ESRRG: variants seen among roughly 807,000 people sequenced by gnomAD.
ESRRG encodes the protein estrogen-related receptor gamma.
In ESRRG, 13 loss-of-function variants were observed where a neutral mutation model predicts 44.0. The observed-to-expected ratio is 0.30, with a 90% CI of 0.19 to 0.47. ESRRG has a LOEUF of 0.47. ESRRG is among the 20% of genes least tolerant of loss of function. ESRRG has a pLI of 1.00. For synonymous variants in ESRRG, 215 were observed against 214.6 expected (o/e 1.00, Z -0.02); for missense variants, 395 against 580.6 (o/e 0.68, Z 3.29).
At chr1:216,884,472 G>C (rs532587878) in intron 2 of ESRRG, among the ~76,000 whole-genome samples, 5 of 152,220 alleles carry the variant, frequency 3.3e-5, no homozygotes, top group Admixed American at 3.3e-4. Context: ...GTCTATGTGT[G>C]CAGTGGCTGC....
At chr1:216,737,673 C>G (rs1021551537) in intron 2 of ESRRG, among the ~76,000 whole-genome samples, 1 of 151,910 alleles carries the variant, frequency 6.6e-6, no homozygotes, top group Non-Finnish European at 1.5e-5. Flanking sequence ...CAGATGGCCT[C>G]GTCTTAATCC....
intron 3 of ESRRG, among the ~76,000 whole-genome samples, chr1:216,573,746 C>A (rs2061238491): frequency 6.6e-6 from 1 of 151,620 alleles, no homozygotes; most frequent in Admixed American, 6.6e-5. Flanking sequence ...GATACAGAAA[C>A]AAATCAAAAT....
At chr1:216,797,011 C>T (rs1373512875) in intron 2 of ESRRG, among the ~76,000 whole-genome samples, 2 of 152,074 alleles carry the variant, frequency 1.3e-5, no homozygotes, top group African/African-American at 4.8e-5. Context: ...CCTCCCTCAG[C>T]CTCCCGAGTA....
At chr1:216,616,960 T>C (rs943657440) in intron 3 of ESRRG, among the ~76,000 whole-genome samples, 10 of 152,226 alleles carry the variant, frequency 6.6e-5, no homozygotes, top group African/African-American at 2.4e-4. Flanking sequence ...CAGGGTTTTT[T>C]CTTCTTTTAA....
chr1:216,669,047 G>C (rs530655803), intron 2 of ESRRG, among the ~76,000 whole-genome samples: 1 of 152,018 alleles, frequency 6.6e-6, no homozygotes, highest in Non-Finnish European at 1.5e-5. Context: ...CCAGGTCTGG[G>C]CTTGTTTTTG....
intron 2 of ESRRG, among the ~76,000 whole-genome samples, chr1:216,925,375 T>C (rs1218291287): frequency 6.6e-6 from 1 of 151,974 alleles, no homozygotes; most frequent in Non-Finnish European, 1.5e-5. Context: ...AGGCGGAGGT[T>C]GCAGTGAGCT....
At chr1:216,525,243 C>A (rs768289701) in intron 5 of ESRRG, among the ~76,000 whole-genome samples, 3 of 151,902 alleles carry the variant, frequency 2.0e-5, no homozygotes, top group African/African-American at 4.8e-5. Flanking sequence ...CAACTGCCAG[C>A]CTACTTTGAA....
chr1:216,764,842 A>T (rs769309940), intron 2 of ESRRG, among the ~76,000 whole-genome samples: 6 of 152,068 alleles, frequency 3.9e-5, no homozygotes, highest in Non-Finnish European at 5.9e-5. Context: ...GGAACAACAG[A>T]TGCTGCAGGA....
At chr1:216,668,740 T>C (rs2074517470) in intron 2 of ESRRG, among the ~76,000 whole-genome samples, 1 of 151,922 alleles carries the variant, frequency 6.6e-6, no homozygotes, top group South Asian at 2.1e-4. Context: ...ACACATATAT[T>C]CACGCATATA....
At chr1:216,795,129 G>C (rs1576626979) in intron 2 of ESRRG, among the ~76,000 whole-genome samples, 1 of 152,076 alleles carries the variant, frequency 6.6e-6, no homozygotes, top group Admixed American at 6.6e-5. Context: ...ACTTGACAAA[G>C]ACTGCTTACT....
chr1:216,617,382 G>C (rs1238682469), intron 3 of ESRRG, among the ~76,000 whole-genome samples: 1 of 151,928 alleles, frequency 6.6e-6, no homozygotes, highest in Non-Finnish European at 1.5e-5. Context: ...ACCTGCTCCT[G>C]TGCCTAATGT....
At chr1:217,001,522 C>A (rs539284810) in intron 1 of ESRRG, among the ~76,000 whole-genome samples, 1 of 152,318 alleles carries the variant, frequency 6.6e-6, no homozygotes, top group Non-Finnish European at 1.5e-5. Flanking sequence ...TGGATATAGA[C>A]CTCATTGAAA....
intron 3 of ESRRG, among the ~76,000 whole-genome samples, chr1:216,629,628 G>T (rs1462167798): frequency 1.3e-5 from 2 of 151,852 alleles, no homozygotes; most frequent in African/African-American, 2.4e-5. Context: ...TGGCAGAGGA[G>T]AATTAATGTT....
At chr1:216,886,188 A>G (rs903775757) in intron 2 of ESRRG, among the ~76,000 whole-genome samples, 3 of 152,122 alleles carry the variant, frequency 2.0e-5, no homozygotes, top group South Asian at 2.1e-4. Flanking sequence ...GCTGCAGCCA[A>G]CCTGAACTAT....
chr1:216,943,633 CAAA>C lies in ESRRG; in HGVS notation c.-105-3963_-105-3961del, dbSNP rs1190000406. On this transcript the variant is annotated intron_variant, in intron 1 of 7. Transcript: ENST00000359162. ...GTAATCTACTTACTACACACACATA[CAAA>C]AGCCTGAACAGCATATACTCTCAAA... Among the ~76,000 whole-genome samples, 60 of 152,222 alleles carry C rather than the reference CAAA, an allele frequency of 3.9e-4. 2 individuals carry two copies. The South Asian group carries it at 0.012, about 30-fold the overall frequency.
At chr1:216,825,674 T>C (rs1240827942) in intron 2 of ESRRG, among the ~76,000 whole-genome samples, 4 of 152,198 alleles carry the variant, frequency 2.6e-5, no homozygotes, top group African/African-American at 7.2e-5. Flanking sequence ...GTGTATGTAG[T>C]GGTAAGCTGG....
At chr1:216,586,995 T>G (rs1043061742) in intron 3 of ESRRG, among the ~76,000 whole-genome samples, 1 of 152,208 alleles carries the variant, frequency 6.6e-6, no homozygotes, top group Admixed American at 6.5e-5. Flanking sequence ...TATGAGTAAG[T>G]GTTTAATAAA....
At chr1:216,558,681 TAGTG>T (rs2058080657) in intron 5 of ESRRG, among the ~76,000 whole-genome samples, 1 of 152,114 alleles carries the variant, frequency 6.6e-6, no homozygotes, top group Non-Finnish European at 1.5e-5. Context: ...TTTTAACTGA[TAGTG>T]AGAGTAATTA....
chr1:216,931,792 A>G (rs1183392761), intron 2 of ESRRG, among the ~76,000 whole-genome samples: 2 of 151,682 alleles, frequency 1.3e-5, no homozygotes, highest in African/African-American at 2.4e-5. Flanking sequence ...TCTTTCTTTC[A>G]GAGGAGAAGC....
Sources: gnomAD v4.1 joint callset for allele counts (sites outside exome capture counted in the v4.1 genomes callset) on GRCh38, gnomAD v4.1.1 for gene constraint, MANE v1.5 for transcripts, NCBI Gene and HGNC (gene_info 2026-07-23, HGNC 2026-07-21) for gene names.